Variants in NDC80 observed in about 807,000 individuals in gnomAD.
The protein encoded by NDC80 is kinetochore protein NDC80 homolog.
NDC80 carries 69 observed loss-of-function variants against 89.3 expected under a neutral mutation model. That is an observed-to-expected ratio of 0.77 (90% CI 0.64 to 0.94). The LOEUF is 0.94. NDC80 is among the 40% of genes least tolerant of loss of function. The probability of loss-of-function intolerance (pLI) is 0.00; values close to 1 mark genes in which losing one functional copy is unlikely to be tolerated. For synonymous variants in NDC80, 243 were observed against 255.6 expected, an observed-to-expected ratio of 0.95 and a Z score of 0.47; for missense variants, 593 against 739.6, an observed-to-expected ratio of 0.80 and a Z score of 2.30.
intron 1 of NDC80, among the ~76,000 whole-genome samples, chr18:2,571,979 A>C (rs368929768): frequency 2.6e-5 from 4 of 152,196 alleles, no homozygotes; most frequent in African/African-American, 9.6e-5. Flanking sequence ...AGAGATGGAC[A>C]AGAGAGGACT....
intron 13 of NDC80, among the ~76,000 whole-genome samples, chr18:2,605,684 A>C (rs922350890): frequency 1.3e-5 from 2 of 151,378 alleles, no homozygotes; most frequent in South Asian, 4.2e-4. Flanking sequence ...GAACCCCTAA[A>C]TTTTTTTTTA....
rs190523255 is a variant in NDC80 at position 2,608,052 on chromosome 18, A to G, written c.1558-648A>G. Among the ~76,000 whole-genome samples, 778 of 140,930 alleles carry G rather than the reference A, an allele frequency of 5.5e-3. 7 individuals carry two copies. The highest frequency in any genetic ancestry group is 0.019 in the African/African-American group (707 of 37,978). 92.5% of individuals were successfully genotyped at this position (140,930 alleles called of 152,430 possible). On this transcript the variant is annotated intron_variant, in intron 14 of 16. Transcript: ENST00000261597. ...TTTTCCCTAAATTTTCAACTGACCA[A>G]TAATGTTGCTGTGAATATCTTTGTA...
chr18:2,596,667 C>T (rs1406370537), intron 11 of NDC80, among the ~76,000 whole-genome samples: 2 of 151,680 alleles, frequency 1.3e-5, no homozygotes. Flanking sequence ...CCAGCCATCC[C>T]ATTACTGGGT....
chr18:2,573,184 T>G lies in NDC80; in HGVS notation c.101+98T>G, dbSNP rs373513750. The G allele has an allele frequency of 8.6e-4, 797 of 929,180 alleles. 9 individuals carry two copies. In the South Asian group the frequency reaches 0.015, roughly 17 times the overall value. The allele number at this position is 929,180 out of a possible 1,614,324, so 57.6% of individuals were successfully genotyped here. A position where few individuals can be genotyped will look rare whatever the true frequency, so the allele number is the denominator to read the frequency against. ...ATATAAAGATGTAATATGAGTGATGTCTTGGTGAATCTTGTCTGTTCCCAG... is the reference window on the plus strand; with the variant it reads ...ATATAAAGATGTAATATGAGTGATGGCTTGGTGAATCTTGTCTGTTCCCAG... On this transcript the variant is annotated intron_variant, in intron 2 of 16. Transcript: ENST00000261597.
chr18:2,600,237 CATA>C (rs144680466), intron 12 of NDC80, among the ~76,000 whole-genome samples: 2,619 of 152,222 alleles, frequency 0.017, 82 homozygotes, highest in African/African-American at 0.06. Flanking sequence ...AATAGTTTTA[CATA>C]ATAATAGAAC....
chr18:2,579,688 A>G, intron 6 of NDC80, among the ~76,000 whole-genome samples: 1 of 152,152 alleles, frequency 6.6e-6, no homozygotes, highest in Non-Finnish European at 1.5e-5. Flanking sequence ...CAGCCTCCCA[A>G]AGTGCTGGGA....
intron 13 of NDC80, among the ~76,000 whole-genome samples, chr18:2,601,868 T>A (rs528690631): frequency 6.6e-6 from 1 of 152,258 alleles, no homozygotes; most frequent in Admixed American, 6.5e-5. Flanking sequence ...GGTTTCTTTT[T>A]ACCAAGTTTT....
At chr18:2,593,013 GGTGTGTGTGTGTGTGT>G (rs56851912) in intron 10 of NDC80, among the ~76,000 whole-genome samples, 289 of 108,420 alleles carry the variant, frequency 2.7e-3, no homozygotes, top group African/African-American at 9.7e-3. Context: ...AATAAACTCT[GGTGTGTGTGTGTGTGT>G]GTGTGTGTGT....
chr18:2,607,635 G>T (rs1006078267), intron 14 of NDC80, among the ~76,000 whole-genome samples: 1 of 151,840 alleles, frequency 6.6e-6, no homozygotes, highest in Non-Finnish European at 1.5e-5. Context: ...GCATCTTTGA[G>T]AATAAAGTGA....
At chr18:2,597,947 G>C (rs959614299) in intron 11 of NDC80, among the ~76,000 whole-genome samples, 2 of 152,172 alleles carry the variant, frequency 1.3e-5, no homozygotes, top group African/African-American at 4.8e-5. Flanking sequence ...CCACGTCCAA[G>C]TGAAAATAGG....
At chr18:2,573,253 T>TA (rs2072528592) in intron 2 of NDC80, among the ~76,000 whole-genome samples, 167 bp downstream of exon 2, 1 of 152,262 alleles carries the variant, frequency 6.6e-6, no homozygotes, top group Non-Finnish European at 1.5e-5. Context: ...GTGGGCATGA[T>TA]ACTCTGCTAG....
intron 16 of NDC80, among the ~76,000 whole-genome samples, chr18:2,611,329 G>A (rs931131005): frequency 3.6e-4 from 55 of 152,142 alleles, no homozygotes; most frequent in African/African-American, 1.3e-3. Context: ...GATTACAGGC[G>A]TGAGCCACCG....
rs2072713002 is a variant in NDC80 at position 2,606,582 on chromosome 18, C to A, written c.1557+75C>A. The A allele has an allele frequency of 4.5e-6, 4 of 894,890 alleles. No homozygotes were observed. The Admixed American group carries it at 8.3e-5, about 19-fold the overall frequency. The allele number at this position is 894,890 out of a possible 1,614,324, so 55.4% of individuals were successfully genotyped here. The stretch of plus-strand genomic sequence containing the variant: ...TTGCTTGATGAGTCACATATTCTGA[C>A]ATCAAAATCAAAATCTTTAAGCTAT... On this transcript the variant is annotated intron_variant, in intron 14 of 16. Coordinates refer to ENST00000261597, the MANE Select transcript of NDC80 (RefSeq NM_006101.3).
At chr18:2,596,947 A>G (rs1363011351) in intron 11 of NDC80, among the ~76,000 whole-genome samples, 5 of 151,924 alleles carry the variant, frequency 3.3e-5, no homozygotes, top group African/African-American at 1.2e-4. Flanking sequence ...AACACCGCAT[A>G]TTCTCACTCA....
intron 12 of NDC80, 31 bp from the exon 13 acceptor site, chr18:2,601,365 T>TA (rs1309706728): frequency 2.7e-6 from 3 of 1,093,908 alleles, no homozygotes; most frequent in Non-Finnish European, 3.9e-6. Flanking sequence ...TTAAATGTTA[T>TA]ATGTCACCCA....
Position 2,589,381 on chromosome 18 carries a change from T to C in NDC80, c.870+71T>C, listed in dbSNP as rs896590786. The C allele has an allele frequency of 1.0e-5, 11 of 1,048,874 alleles. No individual in the cohort carries two copies. The African/African-American group carries it at 1.6e-4, about 15-fold the overall frequency. The allele number at this position is 1,048,874 out of a possible 1,614,324, so 65.0% of individuals were successfully genotyped here. ...TTTGGGTGTCCTTGGATATTAGCTGTCTTTATCAAAATTTTAAAAAATAGA... is the reference window on the plus strand; with the variant it reads ...TTTGGGTGTCCTTGGATATTAGCTGCCTTTATCAAAATTTTAAAAAATAGA... On this transcript the variant is annotated intron_variant, in intron 9 of 16. Transcript: ENST00000261597.
chr18:2,605,302 GTGTGTGT>G (rs2072705557), intron 13 of NDC80, among the ~76,000 whole-genome samples: 3 of 146,720 alleles, frequency 2.0e-5, no homozygotes, highest in African/African-American at 5.3e-5. Context: ...GTGTGTGTGT[GTGTGTGT>G]GTGTGTGTGT....
intron 10 of NDC80, among the ~76,000 whole-genome samples, chr18:2,593,497 T>A (rs564157410): frequency 6.6e-6 from 1 of 152,346 alleles, no homozygotes; most frequent in South Asian, 2.1e-4. Flanking sequence ...TCCACTTCAA[T>A]GTGAAGTAGA....
At chr18:2,593,339 A>C (rs751280581) in intron 10 of NDC80, among the ~76,000 whole-genome samples, 1 of 152,026 alleles carries the variant, frequency 6.6e-6, no homozygotes, top group Non-Finnish European at 1.5e-5. Context: ...TTTTTCACAT[A>C]GTATAAATTA....
Sources: gnomAD v4.1 joint callset for allele counts (sites outside exome capture counted in the v4.1 genomes callset) on GRCh38, gnomAD v4.1.1 for gene constraint, MANE v1.5 for transcripts, NCBI Gene and HGNC (gene_info 2026-07-23, HGNC 2026-07-21) for gene names.